Variants in PPP1R3A observed in about 807,000 individuals in gnomAD.
PPP1R3A encodes the protein RG1.
A neutral mutation model predicts 41.7 loss-of-function variants in PPP1R3A; 29 were observed. The ratio of observed to expected loss-of-function variants is 0.70; its 90% confidence interval spans 0.52 to 0.95. PPP1R3A has a LOEUF of 0.95. PPP1R3A is among the 40% of genes least tolerant of loss of function. The probability of loss-of-function intolerance (pLI) is 0.00; values close to 1 mark genes in which losing one functional copy is unlikely to be tolerated. For synonymous variants in PPP1R3A, 485 were observed against 453.4 expected (o/e 1.07, Z -0.89); for missense variants, 1,352 against 1,292.4 (o/e 1.05, Z -0.71).
chr7:113,890,585 T>C (rs1474406957), intron 1 of PPP1R3A, among the ~76,000 whole-genome samples: 1 of 152,052 alleles, frequency 6.6e-6, no homozygotes, highest in Non-Finnish European at 1.5e-5. Flanking sequence ...CACACAATTA[T>C]GCCATAGCTC....
chr7:113,881,992 A>G (rs1438665323), intron 3 of PPP1R3A, 47 bp downstream of exon 3: 1 of 1,606,546 alleles, frequency 6.2e-7, no homozygotes, highest in East Asian at 2.2e-5. Context: ...TCTTTGAAGC[A>G]GAAATGGATT....
intron 1 of PPP1R3A, among the ~76,000 whole-genome samples, chr7:113,917,868 A>G (rs1198074019): frequency 6.6e-6 from 1 of 152,094 alleles, no homozygotes; most frequent in African/African-American, 2.4e-5. Context: ...AAAACGACTG[A>G]AAATAAAAGT....
chr7:113,889,220 T>C (rs1314017423), intron 1 of PPP1R3A, among the ~76,000 whole-genome samples: 1 of 152,046 alleles, frequency 6.6e-6, no homozygotes, highest in Non-Finnish European at 1.5e-5. Context: ...GGTGGGAGAG[T>C]CATTCCTTTA....
In PPP1R3A at chr7:113,882,144, G is replaced by T; in HGVS notation, c.861C>A (p.Ile287=). The T allele has an allele frequency of 6.2e-7, 1 of 1,611,320 alleles. No homozygotes were observed. The highest frequency in any genetic ancestry group is 1.1e-5 in the South Asian group (1 of 91,016). ...PKNTDTYIPT[I]ICSHEDKEDL... Reference sequence around the variant, plus strand: ...CTTCCTTGTCCTCATGAGAACAAATGATTGTTGGGATATAGGTATCTGAAA... The same window carrying T: ...CTTCCTTGTCCTCATGAGAACAAATTATTGTTGGGATATAGGTATCTGAAA... The change falls in exon 3 of 4, where the codon ATC becomes ATA. Residue 287 remains isoleucine, a synonymous_variant. Transcript: ENST00000284601.
intron 1 of PPP1R3A, among the ~76,000 whole-genome samples, chr7:113,910,112 C>A (rs368610999): frequency 2.0e-5 from 3 of 151,956 alleles, no homozygotes; most frequent in African/African-American, 4.8e-5. Context: ...TCAGATCTCA[C>A]GAGATTTATT....
intron 1 of PPP1R3A, among the ~76,000 whole-genome samples, chr7:113,902,411 G>A (rs956930221): frequency 6.6e-6 from 1 of 151,772 alleles, no homozygotes; most frequent in Non-Finnish European, 1.5e-5. Context: ...TCTCCCAAAT[G>A]GCAGACTACA....
At chr7:113,892,326 C>T (rs964669747) in intron 1 of PPP1R3A, among the ~76,000 whole-genome samples, 3 of 151,966 alleles carry the variant, frequency 2.0e-5, no homozygotes, top group Admixed American at 6.6e-5. Context: ...ACAGAAATGT[C>T]GAACAGGTTT....
intron 1 of PPP1R3A, among the ~76,000 whole-genome samples, chr7:113,908,984 G>A (rs892312455): frequency 6.6e-6 from 1 of 151,762 alleles, no homozygotes; most frequent in African/African-American, 2.4e-5. Context: ...CACAGGGGAC[G>A]ATAGAATTAT....
intron 1 of PPP1R3A, among the ~76,000 whole-genome samples, chr7:113,910,330 T>A (rs1387000012): frequency 6.6e-6 from 1 of 152,026 alleles, no homozygotes; most frequent in African/African-American, 2.4e-5. Context: ...AGGATAGAAT[T>A]AGATAGTCTC....
intron 1 of PPP1R3A, among the ~76,000 whole-genome samples, chr7:113,883,419 T>TCC (rs1796727973): frequency 6.6e-6 from 1 of 152,036 alleles, no homozygotes; most frequent in Non-Finnish European, 1.5e-5. Flanking sequence ...TTGAAAATTC[T>TCC]TCCATCCTGA....
chr7:113,908,556 A>G (rs1041271490), intron 1 of PPP1R3A, among the ~76,000 whole-genome samples: 1 of 152,006 alleles, frequency 6.6e-6, no homozygotes, highest in African/African-American at 2.4e-5. Context: ...ATATATTCAA[A>G]TAATTTCTGC....
intron 2 of PPP1R3A, 24 bp from the exon 3 acceptor site, chr7:113,882,187 C>T: frequency 6.2e-7 from 1 of 1,607,628 alleles, no homozygotes; most frequent in Non-Finnish European, 8.5e-7. Context: ...ATAATTGTGC[C>T]TATGTAAGAT....
At chr7:113,880,948 C>T (rs912788296) in intron 3 of PPP1R3A, among the ~76,000 whole-genome samples, 2 of 152,008 alleles carry the variant, frequency 1.3e-5, no homozygotes, top group Non-Finnish European at 1.5e-5. Context: ...TAAATTACAG[C>T]TCCCTGTTCA....
intron 1 of PPP1R3A, among the ~76,000 whole-genome samples, chr7:113,904,630 T>C (rs1011579907): frequency 7.3e-5 from 11 of 151,606 alleles, no homozygotes; most frequent in Non-Finnish European, 1.5e-5. Flanking sequence ...AAAAGGAAAT[T>C]GGTCCAAAAT....
chr7:113,901,004 A>G lies in PPP1R3A; in HGVS notation c.782+17211T>C, dbSNP rs73716345. On this transcript the variant is annotated intron_variant, in intron 1 of 3. Coordinates refer to ENST00000284601, the MANE Select transcript of PPP1R3A (RefSeq NM_002711.4). ...ATTAGATTTACTGTAACACAATTCT[A>G]CTTTCACTCAGAATTAGCAACTGGG... 7.4e-3 allele frequency among the ~76,000 whole-genome samples: 1,119 copies of G among 151,668 alleles called. 13 individuals are homozygous for G. The highest frequency in any genetic ancestry group is 0.026 in the African/African-American group (1,059 of 41,458).
chr7:113,908,329 T>C (rs1033952110), intron 1 of PPP1R3A, among the ~76,000 whole-genome samples: 2 of 151,892 alleles, frequency 1.3e-5, no homozygotes, highest in African/African-American at 4.8e-5. Flanking sequence ...AAAGCTCGTG[T>C]GTGCACACAC....
At chr7:113,882,361 C>T (rs1347970222) in intron 1 of PPP1R3A, 41 bp from the exon 2 acceptor site, 16 of 1,200,370 alleles carry the variant, frequency 1.3e-5, no homozygotes, top group Middle Eastern at 2.6e-4. Flanking sequence ...TTTTCTGGGA[C>T]TGCATCTTCT....
Position 113,878,649 on chromosome 7 carries a change from C to G in PPP1R3A, c.2443G>C (p.Asp815His). The G allele has an allele frequency of 6.2e-7, 1 of 1,613,436 alleles. No homozygotes were observed. Among genetic ancestry groups the G allele is most frequent in the Non-Finnish European group, 8.5e-7 (1 of 1,179,672 alleles). Residue 815 changes from aspartate (D) to histidine (H), a missense_variant, in exon 4 of 4, where the codon GAT becomes CAT. Physicochemically the swap from Asp to His is moderately conservative, Grantham distance 81. Transcript: ENST00000284601. ...SRLGICNVRV[D>H]EMEKEETMSM... is the part of the protein sequence containing the mutation. ...ATGGTTTCTTCCTTCTCCATTTCAT[C>G]TACACGTACATTACAAATACCTAAA...
intron 1 of PPP1R3A, among the ~76,000 whole-genome samples, chr7:113,911,884 T>A (rs978687401): frequency 1.3e-5 from 2 of 152,100 alleles, no homozygotes; most frequent in African/African-American, 4.8e-5. Flanking sequence ...ACCAATGTCA[T>A]TAATACTACC....
Sources: gnomAD v4.1 joint callset for allele counts (sites outside exome capture counted in the v4.1 genomes callset) on GRCh38, gnomAD v4.1.1 for gene constraint, MANE v1.5 for transcripts, NCBI Gene and HGNC (gene_info 2026-07-23, HGNC 2026-07-21) for gene names.